Variants in RIMS1 observed in about 807,000 individuals in gnomAD.
RIMS1 encodes the protein regulating synaptic membrane exocytosis protein 1.
A neutral mutation model predicts 214.1 loss-of-function variants in RIMS1; 83 were observed. The observed-to-expected ratio is 0.39, with a 90% CI of 0.32 to 0.47. The LOEUF is 0.47. Ranked by LOEUF, RIMS1 falls within the 20% of genes least tolerant of loss-of-function variation. RIMS1 has a pLI of 0.99. For synonymous variants in RIMS1, 793 were observed against 786.8 expected (o/e 1.01, Z -0.13); for missense variants, 2,050 against 2,161.8 (o/e 0.95, Z 1.03).
At chr6:71,968,127 C>G (rs1050154109) in intron 1 of RIMS1, among the ~76,000 whole-genome samples, 7 of 152,186 alleles carry the variant, frequency 4.6e-5, no homozygotes, top group Non-Finnish European at 7.4e-5. Flanking sequence ...TATAACCAAG[C>G]CTTCTCTATT....
chr6:72,080,188 C>T (rs953665373), intron 2 of RIMS1, among the ~76,000 whole-genome samples: 2 of 150,840 alleles, frequency 1.3e-5, no homozygotes, highest in Non-Finnish European at 2.9e-5. Context: ...CGCTGGAACC[C>T]GGGAGGCAGA....
chr6:72,153,493 T>C (rs1198048934), intron 4 of RIMS1, among the ~76,000 whole-genome samples: 1 of 152,088 alleles, frequency 6.6e-6, no homozygotes, highest in Non-Finnish European at 1.5e-5. Flanking sequence ...ATAAAATAAA[T>C]TAAATGTTTA....
chr6:72,268,056 AATT>A (rs1161682740), intron 22 of RIMS1, among the ~76,000 whole-genome samples: 1 of 152,198 alleles, frequency 6.6e-6, no homozygotes, highest in Non-Finnish European at 1.5e-5. Context: ...TAAAATAAAC[AATT>A]ATTTTATGTA....
chr6:72,267,461 TA>T (rs2081112352), intron 22 of RIMS1, among the ~76,000 whole-genome samples: 1 of 152,168 alleles, frequency 6.6e-6, no homozygotes, highest in Non-Finnish European at 1.5e-5. Context: ...GTAGCCATAC[TA>T]AAAGGATTAA....
At chr6:72,102,446 TA>T (rs1354805411) in intron 4 of RIMS1, among the ~76,000 whole-genome samples, 2 of 151,996 alleles carry the variant, frequency 1.3e-5, no homozygotes, top group African/African-American at 2.4e-5. Context: ...GTATCACATA[TA>T]AAAAATAATT....
chr6:72,057,233 GCTGAGATAACATTGT>G (rs1001021509), intron 2 of RIMS1, among the ~76,000 whole-genome samples: 2 of 152,144 alleles, frequency 1.3e-5, no homozygotes, highest in Non-Finnish European at 2.9e-5. Context: ...TTCGTTTGTT[GCTGAGATAACATTGT>G]CTGAATTCAC....
intron 23 of RIMS1, among the ~76,000 whole-genome samples, chr6:72,283,528 T>G (rs1284280466): frequency 6.6e-6 from 1 of 152,202 alleles, no homozygotes; most frequent in Admixed American, 6.5e-5. Context: ...TACTTTCATT[T>G]ATATAAAACA....
chr6:72,119,080 G>A (rs886811789), intron 4 of RIMS1, among the ~76,000 whole-genome samples: 6 of 151,676 alleles, frequency 4.0e-5, no homozygotes, highest in African/African-American at 1.5e-4. Context: ...AAACCTTAAA[G>A]ACTCATCCAA....
chr6:72,331,791 T>C (rs1375229204), intron 28 of RIMS1, among the ~76,000 whole-genome samples: 1 of 151,876 alleles, frequency 6.6e-6, no homozygotes, highest in Non-Finnish European at 1.5e-5. Flanking sequence ...ACTTAAAATT[T>C]TGAGTTAATG....
chr6:71,988,677 C>A (rs544372777), intron 2 of RIMS1, among the ~76,000 whole-genome samples: 2 of 152,252 alleles, frequency 1.3e-5, no homozygotes, highest in South Asian at 4.1e-4. Flanking sequence ...GCATCTTCAA[C>A]TAAACAATGG....
rs1335700068 is a variant in RIMS1 at position 72,093,265 on chromosome 6, TAC to T, written c.246-3676_246-3675del. Among the ~76,000 whole-genome samples, 4 of 148,448 alleles carry T rather than the reference TAC, an allele frequency of 2.7e-5. No individual in the cohort carries two copies. In the East Asian group the frequency reaches 6.0e-4, roughly 22 times the overall value. On this transcript the variant is annotated intron_variant, in intron 2 of 33. Coordinates refer to ENST00000521978, the MANE Select transcript of RIMS1 (RefSeq NM_014989.7). ...GTATATATGTATATACATATATGTATACACACACATACACACACAAAGAGAAC... is the reference window on the plus strand; with the variant it reads ...GTATATATGTATATACATATATGTATACACACATACACACACAAAGAGAAC...
chr6:72,218,973 G>T (rs2057391673), intron 6 of RIMS1, among the ~76,000 whole-genome samples: 1 of 152,164 alleles, frequency 6.6e-6, no homozygotes, highest in Non-Finnish European at 1.5e-5. Flanking sequence ...GATCTTCAAG[G>T]AGAATAGATA....
At chr6:72,032,561 A>T (rs1818430011) in intron 2 of RIMS1, among the ~76,000 whole-genome samples, 1 of 152,148 alleles carries the variant, frequency 6.6e-6, no homozygotes, top group Non-Finnish European at 1.5e-5. Flanking sequence ...TGTCTGTATA[A>T]ATCCTCTGTA....
intron 4 of RIMS1, among the ~76,000 whole-genome samples, chr6:72,133,960 C>T (rs933295560): frequency 6.6e-6 from 1 of 152,022 alleles, no homozygotes; most frequent in African/African-American, 2.4e-5. Flanking sequence ...ACTCTCAATG[C>T]CTCAGTTTTT....
Position 72,251,048 on chromosome 6 carries a change from G to C in RIMS1, c.2500G>C (p.Asp834His), listed in dbSNP as rs181727168. Reference protein sequence around the residue: ...RERMLEITVWDQPRVQEEESE... With the variant: ...RERMLEITVWHQPRVQEEESE... ...ACGAATGTTAGAAATAACTGTGTGG[G>C]ACCAACCAAGAGTGCAAGAAGAAGA... The change falls in exon 14 of 34, where the codon GAC (aspartate) becomes CAC (histidine). Residue 834 changes from aspartate (D) to histidine (H), a missense_variant. Physicochemically the swap from Asp to His is moderately conservative, Grantham distance 81 (BLOSUM62 -1). This residue lies in a region of RIMS1 where 889 missense variants were observed against 885.5 expected (regional missense o/e 1.00). Transcript: ENST00000521978. 14 of 1,585,072 alleles carry C rather than the reference G, an allele frequency of 8.8e-6. No homozygotes were observed. In the African/African-American group the frequency reaches 1.7e-4, roughly 20 times the overall value.
chr6:72,262,886 C>T (rs944560719), intron 19 of RIMS1: 11 of 554,376 alleles, frequency 2.0e-5, no homozygotes, highest in Non-Finnish European at 2.5e-5. Context: ...AGGAAAATAA[C>T]ATTTATTTAA....
intron 2 of RIMS1, among the ~76,000 whole-genome samples, chr6:72,008,964 C>A (rs867503916): frequency 1.2e-4 from 18 of 152,262 alleles, no homozygotes; most frequent in Middle Eastern, 3.4e-3. Context: ...CAGCTCTGCA[C>A]CAAGCGGGCC....
At chr6:72,108,079 C>T (rs1029820867) in intron 4 of RIMS1, among the ~76,000 whole-genome samples, 1 of 152,034 alleles carries the variant, frequency 6.6e-6, no homozygotes, top group African/African-American at 2.4e-5. Flanking sequence ...AGTGCAGTGC[C>T]ATGATCAGGG....
At chr6:72,145,685 C>A (rs1263280470) in intron 4 of RIMS1, among the ~76,000 whole-genome samples, 1 of 152,106 alleles carries the variant, frequency 6.6e-6, no homozygotes, top group African/African-American at 2.4e-5. Flanking sequence ...ACTGTGTAGA[C>A]AAGTTAAGAG....
Sources: gnomAD v4.1 joint callset for allele counts (sites outside exome capture counted in the v4.1 genomes callset) on GRCh38, gnomAD v4.1.1 for gene constraint, gnomAD v4.1.1 regional missense constraint, MANE v1.5 for transcripts, NCBI Gene and HGNC (gene_info 2026-07-23, HGNC 2026-07-21) for gene names.